MCF2: variants seen among roughly 807,000 people sequenced by gnomAD.
The protein encoded by MCF2 is proto-oncogene DBL.
In MCF2, 44 loss-of-function variants were observed where a neutral mutation model predicts 82.5. The observed-to-expected ratio is 0.53, with a 90% CI of 0.42 to 0.69. The LOEUF (loss-of-function observed/expected upper bound fraction) is 0.69, where lower values mean the gene tolerates loss of function less well. MCF2 is among the 30% of genes least tolerant of loss of function. The probability of loss-of-function intolerance (pLI) is 0.00; values close to 1 mark genes in which losing one functional copy is unlikely to be tolerated. For synonymous variants in MCF2, 217 were observed against 224.9 expected, an observed-to-expected ratio of 0.96 and a Z score of 0.32; for missense variants, 623 against 663.1, an observed-to-expected ratio of 0.94 and a Z score of 0.66.
intron 11 of MCF2, 98 bp from the exon 16 acceptor site, chrX:139,607,877 T>A: frequency 2.0e-6 from 1 of 505,616 alleles, no homozygotes; most frequent in Non-Finnish European, 3.3e-6. Context: ...AGGTCCTAAC[T>A]CTGAAGATAA....
At chrX:139,597,574 T>C (rs773773491) in exon 18 of MCF2, 11 of 1,144,860 alleles carry the variant, frequency 9.6e-6, no homozygotes, top group Admixed American at 2.4e-5. Context: ...CTTTGCTATA[T>C]TTTAATAGCT....
intron 1 of MCF2, among the ~76,000 whole-genome samples, chrX:139,639,464 G>A (rs965631562): frequency 4.5e-5 from 5 of 110,973 alleles, no homozygotes; most frequent in Non-Finnish European, 9.4e-5. Flanking sequence ...ATCACTGTAC[G>A]TGGTCCCACC....
intron 1 of MCF2, among the ~76,000 whole-genome samples, chrX:139,700,445 ACGATATCTCCATTT>A (rs1205254624): frequency 1.8e-5 from 2 of 112,130 alleles, no homozygotes; most frequent in African/African-American, 6.5e-5. Flanking sequence ...GAAGAAGATA[ACGATATCTCCATTT>A]TAATAGAATA....
chrX:139,609,199 T>G (rs944638291), intron 11 of MCF2, among the ~76,000 whole-genome samples: 2 of 112,022 alleles, frequency 1.8e-5, no homozygotes, highest in Non-Finnish European at 3.8e-5. Context: ...ATACTGCCCC[T>G]TAAAAATATG....
chrX:139,653,677 A>G (rs1325749382), intron 1 of MCF2, among the ~76,000 whole-genome samples: 2 of 110,686 alleles, frequency 1.8e-5, no homozygotes, highest in Non-Finnish European at 3.8e-5. Context: ...TCACCTCATT[A>G]CCTCCATTTT....
At chrX:139,586,526 C>T in intron 22 of MCF2, 39 bp from the exon 27 acceptor site, 2 of 959,992 alleles carry the variant, frequency 2.1e-6, no homozygotes, top group South Asian at 4.0e-5. Flanking sequence ...AGCTTTTGTA[C>T]AGTTTACAAG....
chrX:139,673,069 T>C (rs1934751676), intron 1 of MCF2, among the ~76,000 whole-genome samples: 1 of 112,105 alleles, frequency 8.9e-6, no homozygotes, highest in Non-Finnish European at 1.9e-5. Flanking sequence ...GAGGAATTTA[T>C]CCATTTCTTC....
At chrX:139,683,636 C>G (rs1407597953) in intron 1 of MCF2, among the ~76,000 whole-genome samples, 1 of 112,415 alleles carries the variant, frequency 8.9e-6, no homozygotes, top group Admixed American at 9.4e-5. Flanking sequence ...CTTATAGATA[C>G]ATCAGTGGGA....
chrX:139,631,538 G>T, intron 2 of MCF2, 27 bp from the exon 6 acceptor site: 1 of 904,660 alleles, frequency 1.1e-6, no homozygotes, highest in Non-Finnish European at 1.6e-6. Context: ...AAAAGATACT[G>T]TTAACTGCCC....
At position 139,667,113 on chromosome X, in the gene MCF2, G is replaced by A. The variant is rs988557767; in HGVS notation, c.-44-15325C>T. Among the ~76,000 whole-genome samples, 5 of 109,520 alleles carry A rather than the reference G, an allele frequency of 4.6e-5. 1 individual carries two copies. The Middle Eastern group carries it at 0.014, about 314-fold the overall frequency. On this transcript the variant is annotated intron_variant, in intron 1 of 27. Coordinates refer to the MCF2 transcript ENST00000414978. ...TTGGTAAACTTCTCATTCATACCCT[G>A]ATTGTTTTTCTGACTTCTTTGTATT... is the stretch of plus-strand genomic sequence containing the variant.
chrX:139,651,771 G>A (rs866147857), exon 2 of MCF2: 22 of 1,150,888 alleles, frequency 1.9e-5, no homozygotes, highest in East Asian at 6.5e-5. Context: ...TCCTTTATAC[G>A]GAGGAGCAGA....
exon 19 of MCF2, chrX:139,596,568 C>T (rs377589857): frequency 8.3e-7 from 1 of 1,206,592 alleles, no homozygotes; most frequent in African/African-American, 1.7e-5. Context: ...GTGTTTAAAA[C>T]TGTATGACGG....
chrX:139,694,137 T>C (rs1183943696), intron 1 of MCF2, among the ~76,000 whole-genome samples: 1 of 111,984 alleles, frequency 8.9e-6, no homozygotes, highest in Admixed American at 9.5e-5. Context: ...TGAGCAACTG[T>C]TATTTTTGTA....
chrX:139,672,410 C>T (rs1194196670), intron 1 of MCF2, among the ~76,000 whole-genome samples: 2 of 112,622 alleles, frequency 1.8e-5, no homozygotes, highest in Non-Finnish European at 3.7e-5. Context: ...AAAGGAAATG[C>T]TTCCAGTTTT....
intron 1 of MCF2, chrX:139,692,205 G>A: frequency 1.2e-6 from 1 of 807,971 alleles, no homozygotes. Flanking sequence ...GAGCCGGGCA[G>A]GGCCGCTACT....
chrX:139,691,960 A>G (rs1208727703), intron 1 of MCF2: 2 of 1,166,201 alleles, frequency 1.7e-6, no homozygotes, highest in South Asian at 3.8e-5. Context: ...TTCTTCCCGT[A>G]CTTCTCGGCA....
At chrX:139,622,638 A>G (rs1932480550) in intron 6 of MCF2, among the ~76,000 whole-genome samples, 1 of 108,948 alleles carries the variant, frequency 9.2e-6, no homozygotes, top group Non-Finnish European at 1.9e-5. Context: ...GGACAAAAAA[A>G]CCAAACACCG....
At chrX:139,633,542 T>C (rs1427981108) in intron 1 of MCF2, among the ~76,000 whole-genome samples, 14 of 110,856 alleles carry the variant, frequency 1.3e-4, no homozygotes. Flanking sequence ...ATCACTAAAC[T>C]ACTCCACCTC....
At chrX:139,641,100 CT>C (rs1471611897) in intron 1 of MCF2, among the ~76,000 whole-genome samples, 1 of 108,688 alleles carries the variant, frequency 9.2e-6, no homozygotes, top group Non-Finnish European at 1.9e-5. Flanking sequence ...GTGAGTACCC[CT>C]GTGCTGTATT....
Sources: allele counts gnomAD v4.1 joint callset (sites outside exome capture counted in the v4.1 genomes callset), GRCh38; gene constraint gnomAD v4.1.1; transcripts MANE v1.5; gene names NCBI Gene and HGNC (gene_info 2026-07-23, HGNC 2026-07-21).